Variants in REG3A observed in about 807,000 individuals in gnomAD.
REG3A encodes regenerating family member 3 alpha.
In REG3A, 15 loss-of-function variants were observed where a neutral mutation model predicts 20.5. That is an observed-to-expected ratio of 0.73 (90% CI 0.49 to 1.12). The LOEUF (loss-of-function observed/expected upper bound fraction) is 1.12, where lower values mean the gene tolerates loss of function less well. Among genes scored for constraint, REG3A ranks in the 50% most tolerant of loss-of-function variants. The pLI is 0.00. For synonymous variants in REG3A, 93 were observed against 83.2 expected, an observed-to-expected ratio of 1.12 and a Z score of -0.64; for missense variants, 224 against 213.1, an observed-to-expected ratio of 1.05 and a Z score of -0.32.
intron 4 of REG3A, 40 bp downstream of exon 4, chr2:79,158,286 C>T: frequency 6.3e-7 from 1 of 1,599,782 alleles, no homozygotes; most frequent in Non-Finnish European, 8.5e-7. Flanking sequence ...GCAACAATAG[C>T]ACCTTGAGAG....
At chr2:79,159,206 A>G (rs1673389587) in intron 2 of REG3A, 124 bp downstream of exon 2, 1 of 995,822 alleles carries the variant, frequency 1.0e-6, no homozygotes. Context: ...GAGATGATGC[A>G]AGAACTGCAG....
Position 79,157,642 on chromosome 2 carries a change from G to A in REG3A, c.390C>T (p.Tyr130=), listed in dbSNP as rs1440643069. 1.9e-6 allele frequency: 3 copies of A among 1,614,154 alleles called. No homozygotes were observed. Among genetic ancestry groups the A allele is most frequent in the Non-Finnish European group, 2.5e-6 (3 of 1,180,024 alleles). The part of the protein sequence containing the change: ...WEWSSSDVMN[Y]FAWERNPSTI... The stretch of plus-strand genomic sequence containing the variant: ...TGGAGGGATTTCTCTCCCATGCAAA[G>A]TAATTCATCACATCACTGCTACTCC... Residue 130 remains tyrosine, a synonymous_variant, in exon 5 of 6, where the codon TAC becomes TAT. Transcript: ENST00000305165.
At chr2:79,159,491 G>A in intron 1 of REG3A, 52 bp from the exon 2 acceptor site, 2 of 1,334,828 alleles carry the variant, frequency 1.5e-6, no homozygotes, top group Non-Finnish European at 2.1e-6. Flanking sequence ...ACTGCCTCAT[G>A]TCATTTTCCT....
rs992597754 is a variant in REG3A, at chr2:79,159,665, A to C, written c.-35+63T>G. On this transcript the variant is annotated intron_variant, in intron 1 of 5. Coordinates refer to ENST00000305165, the MANE Select transcript of REG3A (RefSeq NM_002580.3). ...CCCTGAGGAAGGGACCCTCCCATGT[A>C]TTCTCCTGTGTCATGTGCAGTAGCT... 5 of 483,546 alleles carry C rather than the reference A, an allele frequency of 1.0e-5. 1 individual carries two copies. Among genetic ancestry groups the C allele is most frequent in the Non-Finnish European group, 3.8e-6 (1 of 265,254 alleles). The allele number at this position is 483,546 out of a possible 1,614,324, so 30.0% of individuals were successfully genotyped here. A position where few individuals can be genotyped will look rare whatever the true frequency, so the allele number is the denominator to read the frequency against.
intron 4 of REG3A, among the ~76,000 whole-genome samples, chr2:79,158,054 C>A (rs1337988145): frequency 5.9e-5 from 9 of 152,152 alleles, no homozygotes; most frequent in Admixed American, 3.9e-4. Context: ...GCAAAGACTC[C>A]ATGAAGCTCA....
Position 79,157,270 on chromosome 2 carries a change from T to C in REG3A, c.484A>G (p.Asn162Asp), listed in dbSNP as rs2104107088. Reference sequence around the variant, plus strand: ...ACATAGGGTAACCTCACATTACAGTTATAATCTTTCCACCTCAGAAATGCT... The same window carrying C: ...ACATAGGGTAACCTCACATTACAGTCATAATCTTTCCACCTCAGAAATGCT... ...STAFLRWKDY[N>D]CNVRLPYVCK... The change falls in exon 6 of 6, where the codon AAC (asparagine) becomes GAC (aspartate). Residue 162 changes from asparagine (N) to aspartate (D), a missense_variant. Transcript: ENST00000305165. 6.2e-7 allele frequency: 1 copy of C among 1,613,956 alleles called. No individual in the cohort carries two copies. Among genetic ancestry groups the C allele is most frequent in the South Asian group, 1.1e-5 (1 of 91,066 alleles).
chr2:79,158,818 G>A, intron 2 of REG3A, 49 bp from the exon 3 acceptor site: 1 of 1,460,052 alleles, frequency 6.8e-7, no homozygotes, highest in Non-Finnish European at 9.5e-7. Flanking sequence ...TGGGGCTTGG[G>A]GTGGGAGATG....
At position 79,157,564 on chromosome 2, in the gene REG3A, T is replaced by G; in HGVS notation, c.460+8A>C. ...ACACTGGGAAGAGGCAGCTCCTCTG[T>G]TTCTTACCTGTGCTTCTCGACAGGC... On this transcript the variant is annotated splice_region_variant and intron_variant, in intron 5 of 5. Coordinates refer to ENST00000305165, the MANE Select transcript of REG3A (RefSeq NM_002580.3). 1 of 1,613,618 alleles carries G rather than the reference T, an allele frequency of 6.2e-7. No homozygotes were observed. The highest frequency in any genetic ancestry group is 8.5e-7 in the Non-Finnish European group (1 of 1,179,686).
rs926835992 is a variant in REG3A, at chr2:79,157,276, C to A, written c.478G>T (p.Asp160Tyr). The A allele has an allele frequency of 1.2e-6, 2 of 1,613,920 alleles. No individual in the cohort carries two copies. The highest frequency in any genetic ancestry group is 1.7e-6 in the Non-Finnish European group (2 of 1,179,868). The change falls in exon 6 of 6, where the codon GAT (aspartate) becomes TAT (tyrosine). Residue 160 changes from aspartate (D) to tyrosine (Y), a missense_variant. Coordinates refer to ENST00000305165, the MANE Select transcript of REG3A (RefSeq NM_002580.3). ...GGTAACCTCACATTACAGTTATAAT[C>A]TTTCCACCTCAGAAATGCTGGAGAG... ...SRSTAFLRWK[D>Y]YNCNVRLPYV...
rs747687128 is a variant in REG3A, at chr2:79,157,241, G to C, written c.513C>G (p.Cys171Trp). Residue 171 changes from cysteine to tryptophan, a missense_variant, in exon 6 of 6, where the codon TGC becomes TGG. Transcript: ENST00000305165. ...CCCTCCTGCACTAGTCAGTGAACTT[G>C]CAGACATAGGGTAACCTCACATTAC... ...YNCNVRLPYV[C>W]KFTD 1.7e-5 allele frequency: 27 copies of C among 1,613,870 alleles called. No homozygotes were observed. Among genetic ancestry groups the C allele is most frequent in the Non-Finnish European group, 2.3e-5 (27 of 1,179,788 alleles).
chr2:79,158,857 G>A, intron 2 of REG3A, 88 bp from the exon 3 acceptor site: 1 of 1,019,522 alleles, frequency 9.8e-7, no homozygotes, highest in Non-Finnish European at 1.5e-6. Flanking sequence ...GAATGTCCTT[G>A]GGGAGGAAGA....
intron 2 of REG3A, 62 bp downstream of exon 2, chr2:79,159,268 C>A (rs1673391054): frequency 1.3e-6 from 2 of 1,545,386 alleles, no homozygotes; most frequent in African/African-American, 2.7e-5. Context: ...CAGGAGCCTT[C>A]CTCCTCTTGT....
At position 79,158,767 on chromosome 2, in the gene REG3A, C is replaced by T. The variant is rs1488498588; in HGVS notation, c.79G>A (p.Glu27Lys). 1.9e-6 allele frequency: 3 copies of T among 1,612,996 alleles called. No homozygotes were observed. Among genetic ancestry groups the T allele is most frequent in the Admixed American group, 3.3e-5 (2 of 59,944 alleles). Residue 27 changes from glutamate (E) to lysine (K), a missense_variant and splice_region_variant, in exon 3 of 6, where the codon GAA becomes AAA. Transcript: ENST00000305165. ...CLMLLSQVQG[E>K]EPQRELPSAR... ...GAGGGCAGTTCCCTCTGGGGTTCTT[C>T]ACCTGAGGTGGAAGAAGAGGGGGGA...
intron 1 of REG3A, 46 bp from the exon 2 acceptor site, chr2:79,159,485 C>T (rs192415989): frequency 1.4e-6 from 2 of 1,384,204 alleles, no homozygotes; most frequent in Non-Finnish European, 2.0e-6. Context: ...TACCCCACTG[C>T]CTCATGTCAT....
At chr2:79,157,728 G>A in intron 4 of REG3A, 30 bp from the exon 5 acceptor site, 4 of 1,606,554 alleles carry the variant, frequency 2.5e-6, no homozygotes, top group Non-Finnish European at 2.6e-6. Context: ...GCCAGGTGAA[G>A]GGAATGGCCA....
intron 5 of REG3A, 114 bp from the exon 6 acceptor site, chr2:79,157,407 G>A: frequency 7.0e-7 from 1 of 1,434,708 alleles, no homozygotes; most frequent in Non-Finnish European, 9.7e-7. Context: ...CTTCACCAGT[G>A]TCCCAATCCA....
At chr2:79,158,846 G>T in intron 2 of REG3A, 77 bp from the exon 3 acceptor site, 1 of 1,152,102 alleles carries the variant, frequency 8.7e-7, no homozygotes, top group Non-Finnish European at 1.3e-6. Flanking sequence ...GGAATACCTA[G>T]GAATGTCCTT....
Position 79,158,727 on chromosome 2 carries a change from C to A in REG3A, c.119G>T (p.Cys40Phe). ...QRELPSARIR[C>F]PKGSKAYGSH... Reference sequence around the variant, plus strand: ...GCCATAGGCCTTGGAGCCTTTGGGACAGCGGATCCGTGCAGAGGGCAGTTC... The same window carrying A: ...GCCATAGGCCTTGGAGCCTTTGGGAAAGCGGATCCGTGCAGAGGGCAGTTC... Residue 40 changes from cysteine (C) to phenylalanine (F), a missense_variant, in exon 3 of 6, where the codon TGT (cysteine) becomes TTT (phenylalanine). By Grantham distance (205) the Cys-to-Phe change is radical (BLOSUM62 -2). Transcript: ENST00000305165. 1 of 1,613,926 alleles carries A rather than the reference C, an allele frequency of 6.2e-7. No homozygotes were observed. Among genetic ancestry groups the A allele is most frequent in the Non-Finnish European group, 8.5e-7 (1 of 1,179,990 alleles).
intron 4 of REG3A, 98 bp downstream of exon 4, chr2:79,158,228 C>G (rs1673359192): frequency 1.4e-6 from 2 of 1,409,930 alleles, no homozygotes; most frequent in East Asian, 2.3e-5. Flanking sequence ...CTCCAGTGCT[C>G]CCTGAAGTAC....
Sources: allele counts gnomAD v4.1 joint callset (sites outside exome capture counted in the v4.1 genomes callset), GRCh38; gene constraint gnomAD v4.1.1; transcripts MANE v1.5; gene names NCBI Gene and HGNC (gene_info 2026-07-23, HGNC 2026-07-21).